Variants in SIPA1L1 observed in about 807,000 individuals in gnomAD.
SIPA1L1 encodes signal induced proliferation associated 1 like 1.
SIPA1L1 carries 26 observed loss-of-function variants against 162.7 expected under a neutral mutation model. The observed-to-expected ratio is 0.16, with a 90% CI of 0.12 to 0.22. The LOEUF (loss-of-function observed/expected upper bound fraction) is 0.22, where lower values mean the gene tolerates loss of function less well. SIPA1L1 is among the 10% of genes least tolerant of loss of function. The pLI, the probability that SIPA1L1 is intolerant of heterozygous loss-of-function variation, is 1.00. For missense variants in SIPA1L1, 1,874 were observed against 2,241.0 expected (o/e 0.84, Z 3.31); for synonymous variants, 829 against 837.4 (o/e 0.99, Z 0.17).
At position 71,661,312 on chromosome 14, in the gene SIPA1L1, C is replaced by G; in HGVS notation, c.2100C>G (p.Leu700=). Residue 700 remains leucine (L), a splice_region_variant and synonymous_variant, in exon 10 of 24, where the codon CTC becomes CTG. Coordinates refer to ENST00000381232, the MANE Select transcript of SIPA1L1 (RefSeq NM_001386936.1). ...TGGTTGCTTATTTTTTCTTGTAGCTCCTGAGGAAGCGGCACATTGGAAATG... is the reference window on the plus strand; with the variant it reads ...TGGTTGCTTATTTTTTCTTGTAGCTGCTGAGGAAGCGGCACATTGGAAATG... ...LPYTPNNKQQ[L]LRKRHIGNDI... 6.2e-7 allele frequency: 1 copy of G among 1,611,606 alleles called. No homozygotes were observed. Among genetic ancestry groups the G allele is most frequent in the Non-Finnish European group, 8.5e-7 (1 of 1,178,700 alleles).
chr14:71,347,765 T>C (rs765116766), intron 2 of SIPA1L1, among the ~76,000 whole-genome samples: 11 of 152,244 alleles, frequency 7.2e-5, no homozygotes, highest in East Asian at 1.9e-4. Flanking sequence ...AGCATCTTTT[T>C]ATGTGTTTGC....
At chr14:71,397,406 T>TTA (rs1210785049) in intron 2 of SIPA1L1, among the ~76,000 whole-genome samples, 12 of 151,836 alleles carry the variant, frequency 7.9e-5, no homozygotes, top group South Asian at 2.1e-4. Flanking sequence ...TAGTATTTCT[T>TTA]TATATATATA....
chr14:71,702,795 T>G (rs543680209), intron 15 of SIPA1L1, among the ~76,000 whole-genome samples: 3 of 152,334 alleles, frequency 2.0e-5, no homozygotes, highest in Non-Finnish European at 4.4e-5. Flanking sequence ...CCCTTGTTTA[T>G]TTGTTTTTGC....
chr14:71,597,678 A>G (rs886360326), intron 5 of SIPA1L1, among the ~76,000 whole-genome samples: 2 of 152,158 alleles, frequency 1.3e-5, no homozygotes, highest in Non-Finnish European at 2.9e-5. Context: ...CCACTCTTGC[A>G]TGGAGCTGAG....
chr14:71,619,042 T>C (rs569610409), intron 6 of SIPA1L1, among the ~76,000 whole-genome samples, 155 bp downstream of exon 6: 16 of 152,172 alleles, frequency 1.1e-4, no homozygotes, highest in African/African-American at 3.4e-4. Context: ...GAGATCGAGG[T>C]GGACAAGATG....
chr14:71,475,709 A>G (rs2047793512), intron 2 of SIPA1L1, among the ~76,000 whole-genome samples: 1 of 152,236 alleles, frequency 6.6e-6, no homozygotes, highest in African/African-American at 2.4e-5. Context: ...TATTTTATGA[A>G]TTGAATGGCC....
chr14:71,391,103 C>CTTTT (rs36003254), intron 2 of SIPA1L1, among the ~76,000 whole-genome samples: 47 of 108,440 alleles, frequency 4.3e-4, no homozygotes, highest in African/African-American at 7.5e-4. Context: ...TATTCAGTAT[C>CTTTT]TTTTTTTTTT....
intron 9 of SIPA1L1, among the ~76,000 whole-genome samples, chr14:71,660,118 A>G (rs1042713020): frequency 6.6e-6 from 1 of 152,212 alleles, no homozygotes; most frequent in African/African-American, 2.4e-5. Context: ...GAATAATATT[A>G]CAGAAAATGA....
At chr14:71,691,522 A>G (rs773072526) in intron 13 of SIPA1L1, among the ~76,000 whole-genome samples, 2 of 152,138 alleles carry the variant, frequency 1.3e-5, no homozygotes, top group Admixed American at 6.5e-5. Context: ...GAGCCTGGGC[A>G]TTTGAGGCTG....
At chr14:71,693,327 C>G (rs1181349805) in intron 13 of SIPA1L1, among the ~76,000 whole-genome samples, 1 of 152,142 alleles carries the variant, frequency 6.6e-6, no homozygotes, top group Non-Finnish European at 1.5e-5. Flanking sequence ...ATGGCGAAAG[C>G]CTGTCTACTA....
intron 2 of SIPA1L1, chr14:71,400,686 A>G (rs1168848312): frequency 1.3e-5 from 2 of 151,996 alleles, no homozygotes; most frequent in African/African-American, 4.8e-5. Flanking sequence ...CATATTAAAC[A>G]TTACTGTTTT....
chr14:71,664,291 G>T (rs1201653102), intron 10 of SIPA1L1, among the ~76,000 whole-genome samples: 1 of 151,942 alleles, frequency 6.6e-6, no homozygotes, highest in Non-Finnish European at 1.5e-5. Flanking sequence ...TTTTATTAGG[G>T]GTGGTTTGGT....
intron 2 of SIPA1L1, among the ~76,000 whole-genome samples, chr14:71,476,221 G>A (rs868434918): frequency 1.3e-5 from 2 of 152,214 alleles, no homozygotes; most frequent in Non-Finnish European, 2.9e-5. Context: ...ACCCGGTGGG[G>A]TAGAGATGGG....
intron 2 of SIPA1L1, among the ~76,000 whole-genome samples, chr14:71,467,740 G>T (rs1186244529): frequency 6.6e-6 from 1 of 151,808 alleles, no homozygotes; most frequent in African/African-American, 2.4e-5. Flanking sequence ...TCTTGACTGG[G>T]CATGGTGGCT....
At chr14:71,474,192 A>G (rs2047677789) in intron 2 of SIPA1L1, among the ~76,000 whole-genome samples, 1 of 152,270 alleles carries the variant, frequency 6.6e-6, no homozygotes, top group African/African-American at 2.4e-5. Flanking sequence ...GCAAATAAAA[A>G]TGAGCCGTAA....
At chr14:71,570,530 G>T (rs926672522) in intron 4 of SIPA1L1, among the ~76,000 whole-genome samples, 4 of 152,074 alleles carry the variant, frequency 2.6e-5, no homozygotes, top group Non-Finnish European at 2.9e-5. Context: ...CTCTCAAAGA[G>T]CTGGGATTAC....
intron 2 of SIPA1L1, among the ~76,000 whole-genome samples, chr14:71,502,253 A>AGATAT (rs1555440974): frequency 1.1e-5 from 1 of 89,904 alleles, no homozygotes; most frequent in Non-Finnish European, 2.2e-5. Context: ...AAAAAAAAAA[A>AGATAT]AAATATATAT....
chr14:71,667,268 T>A (rs1043217129), intron 10 of SIPA1L1, among the ~76,000 whole-genome samples: 2 of 152,118 alleles, frequency 1.3e-5, no homozygotes, highest in African/African-American at 4.8e-5. Context: ...CTCCATCTGA[T>A]GAATTCCTGC....
intron 2 of SIPA1L1, among the ~76,000 whole-genome samples, chr14:71,478,689 C>T (rs2048079558): frequency 1.3e-5 from 2 of 152,174 alleles, no homozygotes; most frequent in Admixed American, 6.5e-5. Context: ...TCCATGACTT[C>T]CTCCTTCCCT....
Sources: allele counts gnomAD v4.1 joint callset (sites outside exome capture counted in the v4.1 genomes callset), GRCh38; gene constraint gnomAD v4.1.1; transcripts MANE v1.5; gene names NCBI Gene and HGNC (gene_info 2026-07-23, HGNC 2026-07-21).